NOL4: variants seen among roughly 807,000 people sequenced by gnomAD.
NOL4 encodes the protein cancer/testis antigen 125.
A neutral mutation model predicts 75.9 loss-of-function variants in NOL4; 17 were observed. The observed-to-expected ratio is 0.22, with a 90% CI of 0.15 to 0.34. The LOEUF (loss-of-function observed/expected upper bound fraction) is 0.34, where lower values mean the gene tolerates loss of function less well. Ranked by LOEUF, NOL4 falls within the 10% of genes least tolerant of loss-of-function variation. The pLI, the probability that NOL4 is intolerant of heterozygous loss-of-function variation, is 1.00. For synonymous variants in NOL4, 292 were observed against 289.9 expected (o/e 1.01, Z -0.07); for missense variants, 614 against 793.5 (o/e 0.77, Z 2.72).
chr18:33,889,228 A>G (rs569094434), intron 9 of NOL4, among the ~76,000 whole-genome samples: 2 of 152,300 alleles, frequency 1.3e-5, no homozygotes, highest in East Asian at 1.9e-4. Flanking sequence ...ATCATCAGAG[A>G]ATACTATACA....
At chr18:33,941,988 T>C (rs1350765687) in intron 9 of NOL4, among the ~76,000 whole-genome samples, 2 of 152,106 alleles carry the variant, frequency 1.3e-5, no homozygotes, top group South Asian at 2.1e-4. Context: ...ACTAATACTG[T>C]ATTTTTCATT....
At chr18:34,138,493 A>G (rs576193153) in intron 1 of NOL4, among the ~76,000 whole-genome samples, 1 of 152,314 alleles carries the variant, frequency 6.6e-6, no homozygotes, top group South Asian at 2.1e-4. Flanking sequence ...TAATAGCCAC[A>G]AAGTATCTTT....
At chr18:34,123,530 AC>A (rs1283245045) in intron 2 of NOL4, among the ~76,000 whole-genome samples, 1 of 80,682 alleles carries the variant, frequency 1.2e-5, no homozygotes, top group Non-Finnish European at 2.4e-5. Flanking sequence ...ATATGTGATA[AC>A]CATATATATA....
chr18:34,076,187 T>C (rs1386059398), intron 5 of NOL4, among the ~76,000 whole-genome samples: 1 of 152,094 alleles, frequency 6.6e-6, no homozygotes, highest in East Asian at 1.9e-4. Flanking sequence ...ATGAAAAGGT[T>C]CCCTCTCCCC....
In NOL4 at chr18:33,883,337, C is replaced by G; in HGVS notation, c.1630G>C (p.Val544Leu). The change falls in exon 10 of 11, where the codon GTG becomes CTG. Residue 544 changes from valine (V) to leucine (L), a missense_variant. Transcript: ENST00000261592. ...GTCCCATTTCCATTGATGTACAGCA[C>G]GTCCTGTGAGCCTGGAACAGCTGAT... ...STSAVPGSQD[V>L]LYINGNGTYS... 3 of 1,613,284 alleles carry G rather than the reference C, an allele frequency of 1.9e-6. No homozygotes were observed. The highest frequency in any genetic ancestry group is 2.5e-6 in the Non-Finnish European group (3 of 1,179,460).
chr18:34,068,803 T>C (rs2077390887), intron 5 of NOL4, among the ~76,000 whole-genome samples: 1 of 152,182 alleles, frequency 6.6e-6, no homozygotes, highest in Admixed American at 6.5e-5. Context: ...TACAACATCC[T>C]CTCAGTTCAA....
intron 9 of NOL4, among the ~76,000 whole-genome samples, chr18:33,901,109 C>T (rs1568034168): frequency 6.6e-6 from 1 of 152,092 alleles, no homozygotes; most frequent in Non-Finnish European, 1.5e-5. Context: ...GGAATTTTCA[C>T]CACACATTTT....
intron 1 of NOL4, among the ~76,000 whole-genome samples, chr18:34,141,255 T>C (rs1340867595): frequency 6.6e-6 from 1 of 152,160 alleles, no homozygotes. Context: ...ATGGCCATAC[T>C]GCCCAAGGTA....
chr18:34,113,744 A>C (rs1205217918), intron 2 of NOL4, among the ~76,000 whole-genome samples: 1 of 152,186 alleles, frequency 6.6e-6, no homozygotes, highest in African/African-American at 2.4e-5. Context: ...AAATACTGCC[A>C]TTTGATTCTG....
At chr18:33,858,084 T>A (rs1485290294) in intron 10 of NOL4, among the ~76,000 whole-genome samples, 1 of 152,060 alleles carries the variant, frequency 6.6e-6, no homozygotes, top group Non-Finnish European at 1.5e-5. Flanking sequence ...CAAACTAGAG[T>A]TACCTTGTTT....
chr18:34,221,619 AACC>A (rs1280151632), intron 1 of NOL4: 1 of 154,658 alleles, frequency 6.5e-6, no homozygotes, highest in Non-Finnish European at 1.4e-5. Flanking sequence ...AAAAAAAAAA[AACC>A]ACCACAGAAC....
At chr18:34,034,466 C>T (rs376977971) in intron 5 of NOL4, among the ~76,000 whole-genome samples, 118 of 152,264 alleles carry the variant, frequency 7.7e-4, no homozygotes, top group African/African-American at 2.7e-3. Context: ...AAGCCAGACA[C>T]GGTGGCTCAT....
At chr18:33,944,197 G>T (rs2068686356) in intron 8 of NOL4, among the ~76,000 whole-genome samples, 1 of 151,804 alleles carries the variant, frequency 6.6e-6, no homozygotes, top group Non-Finnish European at 1.5e-5. Flanking sequence ...ACGAAAATAT[G>T]TGTGAATGCT....
intron 9 of NOL4, among the ~76,000 whole-genome samples, chr18:33,929,863 C>G (rs1294299102): frequency 2.4e-4 from 36 of 151,936 alleles, no homozygotes; most frequent in Admixed American, 2.4e-3. Context: ...AGTTCAAAAA[C>G]CATGGAAAAT....
Position 33,883,330 on chromosome 18 carries a change from T to A in NOL4, c.1637A>T (p.Tyr546Phe). 1.2e-6 allele frequency: 2 copies of A among 1,613,368 alleles called. No homozygotes were observed. The highest frequency in any genetic ancestry group is 1.7e-6 in the Non-Finnish European group (2 of 1,179,510). Residue 546 changes from tyrosine to phenylalanine, a missense_variant, in exon 10 of 11, where the codon TAC becomes TTC. Around this residue, in one of 9 missense-constraint regions of NOL4, gnomAD observed 128 missense variants for 159.9 expected, o/e 0.80. Transcript: ENST00000261592. ...ACTATAGGTCCCATTTCCATTGATGTACAGCACGTCCTGTGAGCCTGGAAC... is the reference window on the plus strand; with the variant it reads ...ACTATAGGTCCCATTTCCATTGATGAACAGCACGTCCTGTGAGCCTGGAAC... ...SAVPGSQDVL[Y>F]INGNGTYSYH...
chr18:34,105,545 C>CT (rs1375515594), intron 2 of NOL4, among the ~76,000 whole-genome samples: 2 of 152,038 alleles, frequency 1.3e-5, no homozygotes, highest in Non-Finnish European at 2.9e-5. Context: ...TTTAAATACT[C>CT]TTTTTTGTAA....
intron 5 of NOL4, among the ~76,000 whole-genome samples, chr18:34,076,663 C>T (rs1330850624): frequency 6.6e-6 from 1 of 152,124 alleles, no homozygotes; most frequent in Non-Finnish European, 1.5e-5. Context: ...GTACTGAGCT[C>T]CTCCTATGCG....
chr18:34,120,740 G>T (rs2080102145), intron 2 of NOL4, among the ~76,000 whole-genome samples: 1 of 152,108 alleles, frequency 6.6e-6, no homozygotes, highest in Admixed American at 6.6e-5. Flanking sequence ...TAGGGAAATG[G>T]TACAAGTGCT....
intron 5 of NOL4, among the ~76,000 whole-genome samples, chr18:34,050,475 C>G (rs764734023): frequency 6.6e-6 from 1 of 151,978 alleles, no homozygotes; most frequent in Non-Finnish European, 1.5e-5. Context: ...GGACTGACTA[C>G]CTGGACATCG....
Sources: allele counts gnomAD v4.1 joint callset (sites outside exome capture counted in the v4.1 genomes callset), GRCh38; gene constraint gnomAD v4.1.1; regional missense constraint gnomAD v4.1.1; transcripts MANE v1.5; gene names NCBI Gene and HGNC (gene_info 2026-07-23, HGNC 2026-07-21).